The following MBTD1 variants were observed in gnomAD, a reference collection of about 807,000 sequenced individuals.
MBTD1 encodes MBT domain-containing protein 1.
In MBTD1, 24 loss-of-function variants were observed where a neutral mutation model predicts 87.8. The ratio of observed to expected loss-of-function variants is 0.27; its 90% CI spans 0.20 to 0.38. MBTD1 has a LOEUF of 0.38. Ranked by LOEUF, MBTD1 falls within the 10% of genes least tolerant of loss-of-function variation. The pLI, the probability that MBTD1 is intolerant of heterozygous loss-of-function variation, is 1.00. For synonymous variants in MBTD1, 237 were observed against 248.6 expected, an observed-to-expected ratio of 0.95 and a Z score of 0.44; for missense variants, 436 against 760.2, an observed-to-expected ratio of 0.57 and a Z score of 5.02.
intron 16 of MBTD1, chr17:51,191,970 T>C: frequency 2.0e-6 from 1 of 503,258 alleles, no homozygotes; most frequent in East Asian, 3.6e-5. Flanking sequence ...ACAGACTCTA[T>C]TCTTTACCAC....
At chr17:51,191,245 G>A (rs1313140304) in intron 16 of MBTD1, among the ~76,000 whole-genome samples, 1 of 147,934 alleles carries the variant, frequency 6.8e-6, no homozygotes, top group Non-Finnish European at 1.5e-5. Flanking sequence ...GTAAAATATA[G>A]TATAGAAAGA....
At chr17:51,212,438 CT>C (rs59653419) in intron 6 of MBTD1, among the ~76,000 whole-genome samples, 14,942 of 136,066 alleles carry the variant, frequency 0.11, 1,443 homozygotes, top group African/African-American at 0.27. Flanking sequence ...GTACAAATGA[CT>C]TTTTTTTTTT....
chr17:51,254,344 G>A (rs1438244943), intron 2 of MBTD1, among the ~76,000 whole-genome samples: 1 of 152,100 alleles, frequency 6.6e-6, no homozygotes, highest in Non-Finnish European at 1.5e-5. Flanking sequence ...ACTGTTACGA[G>A]GAACATAAAT....
In MBTD1 at chr17:51,195,424, T is replaced by C. The variant is rs999565501; in HGVS notation, c.1225-63A>G. 82 of 1,336,146 alleles carry C rather than the reference T, an allele frequency of 6.1e-5. No homozygotes were observed. Among genetic ancestry groups the C allele is most frequent in the Non-Finnish European group, 7.0e-5 (69 of 981,292 alleles). 82.8% of individuals were successfully genotyped at this position (1,336,146 alleles called of 1,614,324 possible). A position where few individuals can be genotyped will look rare whatever the true frequency, so the allele number is the denominator to read the frequency against. On this transcript the variant is annotated intron_variant, in intron 12 of 16. Transcript: ENST00000586178. ...ATACCACTATTATAAAAATAATACT[T>C]TGACATTCTAAAAGAAAGGAAAATC...
At chr17:51,231,965 T>C (rs2053574734) in intron 2 of MBTD1, among the ~76,000 whole-genome samples, 1 of 152,150 alleles carries the variant, frequency 6.6e-6, no homozygotes, top group African/African-American at 2.4e-5. Context: ...TTATTTACTA[T>C]GAGGGCGCTT....
At chr17:51,198,128 T>C (rs1007829975) in intron 12 of MBTD1, among the ~76,000 whole-genome samples, 3 of 152,158 alleles carry the variant, frequency 2.0e-5, no homozygotes, top group Admixed American at 2.0e-4. Flanking sequence ...ACAACTCCTC[T>C]TACTCCTTTA....
At chr17:51,259,763 TTCCTGGGGTCGGAGAGCTGCAGGCG>T in intron 1 of MBTD1, 47 bp downstream of exon 1, 3 of 1,223,266 alleles carry the variant, frequency 2.5e-6, no homozygotes, top group Non-Finnish European at 3.1e-6. Flanking sequence ...AGCTGCGGGG[TTCCTGGGGTCGGAGAGCTGCAGGCG>T]TCCCCCCCAC....
chr17:51,205,292 C>G (rs535759380), intron 7 of MBTD1, among the ~76,000 whole-genome samples: 1 of 152,274 alleles, frequency 6.6e-6, no homozygotes, highest in South Asian at 2.1e-4. Context: ...ATTAGGCTCA[C>G]TTCTACAATG....
intron 2 of MBTD1, among the ~76,000 whole-genome samples, chr17:51,230,460 C>T (rs2143814265): frequency 6.6e-6 from 1 of 152,218 alleles, no homozygotes; most frequent in Middle Eastern, 3.4e-3. Context: ...AGACAAGATC[C>T]ATGGTTTTCA....
intron 3 of MBTD1, among the ~76,000 whole-genome samples, chr17:51,223,102 C>T (rs190421262): frequency 1.3e-3 from 204 of 152,064 alleles, no homozygotes; most frequent in African/African-American, 4.6e-3. Flanking sequence ...CCGCACCTGG[C>T]CACGCTATTC....
chr17:51,260,112 C>G, upstream of MBTD1: 1 of 379,780 alleles, frequency 2.6e-6, no homozygotes, highest in Non-Finnish European at 4.7e-6. Context: ...GCCCACTTCC[C>G]TACATACCCT....
intron 2 of MBTD1, among the ~76,000 whole-genome samples, chr17:51,245,355 C>A (rs532436309): frequency 1.3e-5 from 2 of 152,234 alleles, no homozygotes; most frequent in South Asian, 4.1e-4. Context: ...TGATTTTGCA[C>A]ATGAAGCTTT....
intron 2 of MBTD1, among the ~76,000 whole-genome samples, chr17:51,247,463 T>C (rs1331606987): frequency 8.1e-6 from 1 of 122,890 alleles, no homozygotes; most frequent in African/African-American, 3.0e-5. Flanking sequence ...TTTTTTTTTT[T>C]GGAGACACGG....
At chr17:51,189,184 A>G (rs2145042141) in intron 16 of MBTD1, among the ~76,000 whole-genome samples, 1 of 152,244 alleles carries the variant, frequency 6.6e-6, no homozygotes, top group South Asian at 2.1e-4. Context: ...AAAATGTTTC[A>G]GAGTCTGGAG....
At chr17:51,193,155 C>A (rs1489550105) in intron 14 of MBTD1, 139 bp from the exon 15 acceptor site, 1 of 667,494 alleles carries the variant, frequency 1.5e-6, no homozygotes, top group South Asian at 1.9e-5. Flanking sequence ...AATTCTTTAA[C>A]TATTTAAACA....
Position 51,179,876 on chromosome 17 carries a change from T to C in MBTD1, c.*700A>G, listed in dbSNP as rs571673008. 1.3e-5 allele frequency: 2 copies of C among 152,102 alleles called. No homozygotes were observed. Among genetic ancestry groups the C allele is most frequent in the Non-Finnish European group, 2.9e-5 (2 of 68,010 alleles). The allele number at this position is 152,102 out of a possible 1,614,324, so 9.4% of individuals were successfully genotyped here. On this transcript the variant is annotated 3_prime_UTR_variant, in exon 17 of 17. Transcript: ENST00000586178. ...CTTGTCAACCATTCCAGTTTAACAC[T>C]TTAGTGTTAGGATAATTCTAATCAT...
At chr17:51,201,997 G>C in intron 11 of MBTD1, 25 bp downstream of exon 11, 1 of 1,523,534 alleles carries the variant, frequency 6.6e-7, no homozygotes, top group African/African-American at 1.4e-5. Flanking sequence ...ATTTACAAAT[G>C]AGGGTTCTTA....
At chr17:51,250,975 AT>A (rs2054746141) in intron 2 of MBTD1, 1 of 151,782 alleles carries the variant, frequency 6.6e-6, no homozygotes, top group Non-Finnish European at 1.5e-5. Context: ...TTTATCTTCT[AT>A]TTTTCTGTTT....
chr17:51,259,720 G>T (rs374504984), intron 1 of MBTD1, 115 bp downstream of exon 1: 3 of 997,104 alleles, frequency 3.0e-6, no homozygotes, highest in Non-Finnish European at 3.9e-6. Context: ...GAGGGCGTGG[G>T]ATGGAGAAGC....
Sources: gnomAD v4.1 joint callset for allele counts (sites outside exome capture counted in the v4.1 genomes callset) on GRCh38, gnomAD v4.1.1 for gene constraint, MANE v1.5 for transcripts, NCBI Gene and HGNC (gene_info 2026-07-23, HGNC 2026-07-21) for gene names.